SYT14: variants seen among roughly 807,000 people sequenced by gnomAD.
The protein encoded by SYT14 is synaptotagmin 14, also known as synaptotagmin-14.
SYT14 carries 32 observed loss-of-function variants against 74.2 expected under a neutral mutation model. The ratio of observed to expected loss-of-function variants is 0.43; its 90% CI spans 0.33 to 0.58. SYT14 has a LOEUF of 0.58. Ranked by LOEUF, SYT14 falls within the 20% of genes least tolerant of loss-of-function variation. SYT14 has a pLI of 0.05. For missense variants in SYT14, 791 were observed against 981.8 expected, an observed-to-expected ratio of 0.81 and a Z score of 2.60; for synonymous variants, 298 against 337.7, an observed-to-expected ratio of 0.88 and a Z score of 1.29.
chr1:210,050,777 C>T (rs1305970599), intron 5 of SYT14, among the ~76,000 whole-genome samples: 1 of 152,208 alleles, frequency 6.6e-6, no homozygotes, highest in East Asian at 1.9e-4. Context: ...GACTCACTCA[C>T]TATCATGAGA....
At chr1:210,004,447 G>A (rs560909759) in intron 2 of SYT14, among the ~76,000 whole-genome samples, 17 of 152,056 alleles carry the variant, frequency 1.1e-4, no homozygotes, top group Admixed American at 9.8e-4. Flanking sequence ...ACTGAAAGAC[G>A]TGTCATGGTA....
At chr1:210,106,900 T>C (rs2082168334) in intron 7 of SYT14, among the ~76,000 whole-genome samples, 1 of 152,198 alleles carries the variant, frequency 6.6e-6, no homozygotes, top group African/African-American at 2.4e-5. Context: ...CAAAGTCTCA[T>C]GTGAGACAAG....
chr1:210,073,295 C>T (rs2081429097), intron 5 of SYT14, among the ~76,000 whole-genome samples: 1 of 151,828 alleles, frequency 6.6e-6, no homozygotes, highest in Non-Finnish European at 1.5e-5. Context: ...ATATGAATAA[C>T]AAGAAAACAA....
intron 5 of SYT14, among the ~76,000 whole-genome samples, chr1:210,033,532 C>T (rs565060013): frequency 1.9e-3 from 293 of 151,712 alleles, no homozygotes; most frequent in Non-Finnish European, 3.6e-3. Flanking sequence ...GGTGTTTTGA[C>T]GCCTTAGAAT....
intron 7 of SYT14, among the ~76,000 whole-genome samples, chr1:210,121,601 T>C (rs1016398120): frequency 1.3e-5 from 2 of 152,064 alleles, no homozygotes; most frequent in African/African-American, 2.4e-5. Flanking sequence ...GAGACCATCC[T>C]GGCTAACATG....
At chr1:209,948,634 A>G (rs1049832604) in intron 1 of SYT14, among the ~76,000 whole-genome samples, 2 of 152,238 alleles carry the variant, frequency 1.3e-5, no homozygotes, top group Admixed American at 6.5e-5. Context: ...AACTTTCATA[A>G]AAATGAGGAA....
At chr1:209,992,833 G>A (rs565602633) in intron 2 of SYT14, among the ~76,000 whole-genome samples, 1 of 152,198 alleles carries the variant, frequency 6.6e-6, no homozygotes, top group Admixed American at 6.5e-5. Context: ...TCTTCAAAGA[G>A]AAAAAGCTGA....
chr1:209,944,755 T>C (rs1572047794), intron 1 of SYT14, among the ~76,000 whole-genome samples: 1 of 152,018 alleles, frequency 6.6e-6, no homozygotes, highest in East Asian at 1.9e-4. Flanking sequence ...TTGTTTTTTT[T>C]TTCCCTCTCT....
intron 2 of SYT14, among the ~76,000 whole-genome samples, chr1:209,968,506 CATCAT>C (rs2079192010): frequency 6.6e-6 from 1 of 151,844 alleles, no homozygotes; most frequent in Non-Finnish European, 1.5e-5. Context: ...GGAGTAGTTT[CATCAT>C]ATCATATGGA....
At chr1:210,016,278 A>G in exon 4 of SYT14, 2 of 1,232,174 alleles carry the variant, frequency 1.6e-6, no homozygotes, top group Non-Finnish European at 2.0e-6. Flanking sequence ...ACACAAGCCA[A>G]TTTAGAGCAT....
intron 3 of SYT14, among the ~76,000 whole-genome samples, chr1:210,014,306 T>C (rs2080142156): frequency 6.6e-6 from 1 of 151,988 alleles, no homozygotes; most frequent in South Asian, 2.1e-4. Context: ...TGATAAAAAA[T>C]AGTGTTCCAC....
intron 5 of SYT14, among the ~76,000 whole-genome samples, chr1:210,058,112 C>G (rs888131202): frequency 6.6e-6 from 1 of 152,066 alleles, no homozygotes; most frequent in Non-Finnish European, 1.5e-5. Flanking sequence ...GACTAGGGAC[C>G]GAAAGCTGGA....
chr1:210,078,843 C>A (rs1031584382), intron 5 of SYT14, among the ~76,000 whole-genome samples: 4 of 151,560 alleles, frequency 2.6e-5, no homozygotes, highest in Admixed American at 2.6e-4. Context: ...ACTTCTCAGG[C>A]TCAAGTGATT....
chr1:210,023,410 C>T (rs1437618949), intron 5 of SYT14, among the ~76,000 whole-genome samples: 2 of 152,174 alleles, frequency 1.3e-5, no homozygotes, highest in Non-Finnish European at 2.9e-5. Flanking sequence ...GTGGCACGAT[C>T]TTGGCTCACT....
intron 1 of SYT14, among the ~76,000 whole-genome samples, chr1:209,951,966 A>G (rs1572058055): frequency 6.6e-6 from 1 of 152,174 alleles, no homozygotes; most frequent in Non-Finnish European, 1.5e-5. Context: ...GGGATTAGGT[A>G]CTTCTGGGGC....
intron 4 of SYT14, among the ~76,000 whole-genome samples, chr1:210,018,904 A>G (rs227225): frequency 0.57 from 86,533 of 151,688 alleles, 26,848 homozygotes; most frequent in African/African-American, 0.82. Flanking sequence ...TTGGGAGGCC[A>G]AGGCGGGCAG....
chr1:210,138,983 C>T (rs2082848883), intron 7 of SYT14, among the ~76,000 whole-genome samples: 1 of 152,048 alleles, frequency 6.6e-6, no homozygotes, highest in Admixed American at 6.6e-5. Context: ...TTGAAATAGC[C>T]TGTTATAATT....
Position 210,091,073 on chromosome 1 carries a change from C to T in SYT14, c.1313-3249C>T, listed in dbSNP as rs535644155. On this transcript the variant is annotated intron_variant, in intron 5 of 9. Coordinates refer to ENST00000637265, the Ensembl canonical transcript of SYT14. ...TGTTGTTTCTCTCAAATCCAGAAAA[C>T]AGTAGTGAAGTCTACCCATTGAGCC... is the stretch of plus-strand genomic sequence containing the variant. 2.6e-5 allele frequency among the ~76,000 whole-genome samples: 4 copies of T among 152,214 alleles called. No homozygotes were observed. The East Asian group carries it at 7.7e-4, about 29-fold the overall frequency.
chr1:209,941,124 A>G (rs756104816), intron 1 of SYT14, among the ~76,000 whole-genome samples: 1 of 152,128 alleles, frequency 6.6e-6, no homozygotes, highest in Non-Finnish European at 1.5e-5. Flanking sequence ...TAGACTTTTA[A>G]GTACTAAGGA....
Sources: allele counts gnomAD v4.1 joint callset (sites outside exome capture counted in the v4.1 genomes callset), GRCh38; gene constraint gnomAD v4.1.1; transcripts MANE v1.5; gene names NCBI Gene and HGNC (gene_info 2026-07-23, HGNC 2026-07-21).